The following RAPGEF5 variants were observed in gnomAD, a reference collection of about 807,000 sequenced individuals.
The protein encoded by RAPGEF5 is Rap guanine nucleotide exchange factor 5.
In RAPGEF5, 65 loss-of-function variants were observed where a neutral mutation model predicts 125.2. The ratio of observed to expected loss-of-function variants is 0.52; its 90% CI spans 0.43 to 0.64. The LOEUF (loss-of-function observed/expected upper bound fraction) is 0.64, where lower values mean the gene tolerates loss of function less well. RAPGEF5 is among the 30% of genes least tolerant of loss of function. The pLI is 0.00. For synonymous variants in RAPGEF5, 391 were observed against 385.9 expected (o/e 1.01, Z -0.16); for missense variants, 958 against 1,048.1 (o/e 0.91, Z 1.19).
Position 22,140,079 on chromosome 7 carries a change from G to T in RAPGEF5, c.2223C>A (p.Ala741=). Residue 741 remains alanine (A), a synonymous_variant, in exon 21 of 26, where the codon GCC becomes GCA. Coordinates refer to ENST00000665637, the MANE Select transcript of RAPGEF5 (RefSeq NM_012294.5). ...KAQRNLNSFF[A]IVMGLNTASV... is the part of the protein sequence containing the mutation. ...AAGCAGTGTTGAGACCCATCACAAT[G>T]GCAAAGAAAGAATTCAGGTTTCTCT... is the stretch of plus-strand genomic sequence containing the variant. The T allele has an allele frequency of 6.4e-7, 1 of 1,565,120 alleles. No individual in the cohort carries two copies.
intron 7 of RAPGEF5, among the ~76,000 whole-genome samples, chr7:22,242,734 C>T (rs1421322316): frequency 6.6e-6 from 1 of 152,028 alleles, no homozygotes; most frequent in Non-Finnish European, 1.5e-5. Flanking sequence ...GGCGGATCAC[C>T]TGAGGACAGG....
intron 22 of RAPGEF5, 63 bp downstream of exon 22, chr7:22,136,870 A>G: frequency 7.3e-7 from 1 of 1,366,034 alleles, no homozygotes; most frequent in Non-Finnish European, 1.0e-6. Context: ...ACTATAATGT[A>G]GAAAGAAACT....
At chr7:22,271,936 C>A (rs1782436510) in intron 6 of RAPGEF5, among the ~76,000 whole-genome samples, 1 of 152,168 alleles carries the variant, frequency 6.6e-6, no homozygotes, top group Admixed American at 6.5e-5. Flanking sequence ...AAGATTCAAG[C>A]AAACTCTGAG....
intron 6 of RAPGEF5, among the ~76,000 whole-genome samples, chr7:22,272,812 A>G (rs1224927768): frequency 6.6e-6 from 1 of 152,188 alleles, no homozygotes; most frequent in Non-Finnish European, 1.5e-5. Flanking sequence ...GCTGGAGTGC[A>G]GTGGTACGAT....
intron 7 of RAPGEF5, among the ~76,000 whole-genome samples, chr7:22,258,978 C>T (rs528962755): frequency 3.9e-5 from 6 of 152,018 alleles, no homozygotes; most frequent in South Asian, 2.1e-4. Flanking sequence ...AATATAAAAC[C>T]GAAGGCATGA....
At chr7:22,242,588 C>T (rs1027659338) in intron 7 of RAPGEF5, among the ~76,000 whole-genome samples, 1 of 152,132 alleles carries the variant, frequency 6.6e-6, no homozygotes. Flanking sequence ...AGGGAATGAG[C>T]GATCCAAAAG....
chr7:22,322,873 A>G (rs186284036), intron 1 of RAPGEF5, among the ~76,000 whole-genome samples: 1 of 152,302 alleles, frequency 6.6e-6, no homozygotes, highest in Admixed American at 6.5e-5. Context: ...GTTTCAGGAG[A>G]ACTGTAAAAA....
intron 11 of RAPGEF5, among the ~76,000 whole-genome samples, chr7:22,173,395 T>A (rs2079478): frequency 0.071 from 10,787 of 152,290 alleles, 447 homozygotes; most frequent in Middle Eastern, 0.14. Flanking sequence ...TCTTACAGGC[T>A]CACCATAGCG....
chr7:22,250,708 T>C (rs946335857), intron 7 of RAPGEF5, among the ~76,000 whole-genome samples: 4 of 152,090 alleles, frequency 2.6e-5, no homozygotes, highest in East Asian at 1.9e-4. Context: ...AAAAAGTCGA[T>C]AAAATGAAAA....
intron 7 of RAPGEF5, among the ~76,000 whole-genome samples, chr7:22,258,913 A>G (rs1047587729): frequency 3.9e-5 from 6 of 152,198 alleles, no homozygotes; most frequent in Non-Finnish European, 7.3e-5. Context: ...TAAAACTCCT[A>G]GACTATAACA....
At chr7:22,248,330 C>T (rs1366827609) in intron 7 of RAPGEF5, among the ~76,000 whole-genome samples, 1 of 152,150 alleles carries the variant, frequency 6.6e-6, no homozygotes. Context: ...AACATATCAA[C>T]TTCAACTAAC....
intron 18 of RAPGEF5, among the ~76,000 whole-genome samples, chr7:22,147,241 C>T (rs1181032084): frequency 6.6e-6 from 1 of 152,150 alleles, no homozygotes; most frequent in Non-Finnish European, 1.5e-5. Flanking sequence ...TGAGTTCGCC[C>T]GCTCCTCCCC....
At chr7:22,317,232 C>CTTTTTTTTTCTTT (rs1783620161) in intron 2 of RAPGEF5, among the ~76,000 whole-genome samples, 1 of 142,928 alleles carries the variant, frequency 7.0e-6, no homozygotes, top group South Asian at 2.2e-4. Context: ...AAAAATGCAA[C>CTTTTTTTTTCTTT]TTTTTTTTTC....
intron 1 of RAPGEF5, among the ~76,000 whole-genome samples, chr7:22,335,869 T>C (rs965039110): frequency 5.3e-5 from 8 of 152,206 alleles, no homozygotes; most frequent in Non-Finnish European, 1.0e-4. Flanking sequence ...ACCACACTTA[T>C]AATTTCTTAA....
chr7:22,237,362 G>GT (rs34763788), intron 7 of RAPGEF5, among the ~76,000 whole-genome samples: 1,712 of 126,732 alleles, frequency 0.014, 26 homozygotes, highest in African/African-American at 0.036. Flanking sequence ...TGTTGTTGCT[G>GT]TTTTTTTTTT....
chr7:22,221,356 T>C (rs1300056310), intron 8 of RAPGEF5, among the ~76,000 whole-genome samples: 3 of 152,242 alleles, frequency 2.0e-5, no homozygotes, highest in Non-Finnish European at 1.5e-5. Context: ...CTGTGAGGAC[T>C]AGTTTTGCCT....
chr7:22,147,578 G>C (rs1783484863), intron 18 of RAPGEF5, among the ~76,000 whole-genome samples: 2 of 152,092 alleles, frequency 1.3e-5, no homozygotes, highest in Admixed American at 6.5e-5. Flanking sequence ...TATATCCCAT[G>C]GTAGATTATT....
chr7:22,274,700 T>C (rs373882866), intron 6 of RAPGEF5, among the ~76,000 whole-genome samples: 109 of 152,212 alleles, frequency 7.2e-4, no homozygotes, highest in African/African-American at 2.5e-3. Context: ...TCAGACACCA[T>C]AGTCCCAAGC....
chr7:22,176,860 C>T (rs533609581), intron 11 of RAPGEF5, among the ~76,000 whole-genome samples: 8 of 152,266 alleles, frequency 5.3e-5, no homozygotes, highest in Middle Eastern at 3.4e-3. Context: ...TAATCTGGCA[C>T]AGGATCTTAC....
Sources: gnomAD v4.1 joint callset for allele counts (sites outside exome capture counted in the v4.1 genomes callset) on GRCh38, gnomAD v4.1.1 for gene constraint, MANE v1.5 for transcripts, NCBI Gene and HGNC (gene_info 2026-07-23, HGNC 2026-07-21) for gene names.